RYR2: variants seen among roughly 807,000 people sequenced by gnomAD.
The protein encoded by RYR2 is cardiac muscle ryanodine receptor-calcium release channel.
RYR2 carries 227 observed loss-of-function variants against 601.1 expected under a neutral mutation model. That is an observed-to-expected ratio of 0.38 (90% confidence interval 0.34 to 0.42). RYR2 has a LOEUF of 0.42. RYR2 is among the 10% of genes least tolerant of loss of function. RYR2 has a pLI of 1.00. For missense variants in RYR2, 4,646 were observed against 6,156.5 expected (o/e 0.75, Z 8.21); for synonymous variants, 2,223 against 2,175.1 (o/e 1.02, Z -0.61).
At chr1:237,628,718 G>A (rs545560578) in intron 41 of RYR2, among the ~76,000 whole-genome samples, 49 of 151,766 alleles carry the variant, frequency 3.2e-4, no homozygotes, top group African/African-American at 1.1e-3. Context: ...TCATAGTAAT[G>A]TACAATAATA....
At chr1:237,562,913 T>A (rs916495774) in intron 27 of RYR2, among the ~76,000 whole-genome samples, 8 of 152,178 alleles carry the variant, frequency 5.3e-5, no homozygotes, top group African/African-American at 1.9e-4. Context: ...GGCAGGTATA[T>A]ATGGAGCACT....
At chr1:237,626,862 T>A (rs923378783) in intron 40 of RYR2, among the ~76,000 whole-genome samples, 2 of 152,114 alleles carry the variant, frequency 1.3e-5, no homozygotes, top group Non-Finnish European at 2.9e-5. Context: ...AGTGAGCCAC[T>A]GTGCATGGCC....
At chr1:237,806,314 G>A in intron 99 of RYR2, 31 bp downstream of exon 99, 1 of 1,578,670 alleles carries the variant, frequency 6.3e-7, no homozygotes, top group Non-Finnish European at 8.6e-7. Flanking sequence ...CTCCCTTGCA[G>A]AAAATAAAAA....
chr1:237,409,565 CAG>C (rs1704238721), intron 10 of RYR2, among the ~76,000 whole-genome samples: 2 of 152,172 alleles, frequency 1.3e-5, no homozygotes, highest in South Asian at 2.1e-4. Context: ...AAATAAAAAA[CAG>C]TGATTTCTAG....
At chr1:237,044,794 C>G (rs919107593) in intron 1 of RYR2, among the ~76,000 whole-genome samples, 25 of 135,790 alleles carry the variant, frequency 1.8e-4, no homozygotes, top group African/African-American at 6.3e-4. Flanking sequence ...CCTTTTTTTT[C>G]TCTTAACCTG....
chr1:237,112,207 G>A (rs1230497383), intron 1 of RYR2, among the ~76,000 whole-genome samples: 5 of 152,092 alleles, frequency 3.3e-5, no homozygotes, highest in Admixed American at 6.6e-5. Flanking sequence ...TCCGCTTCCC[G>A]GGTTCAAGCG....
chr1:237,487,905 T>A (rs1217893200), intron 17 of RYR2, among the ~76,000 whole-genome samples: 1 of 152,110 alleles, frequency 6.6e-6, no homozygotes, highest in Non-Finnish European at 1.5e-5. Flanking sequence ...ATTTATTTAT[T>A]GGATCTGACC....
At chr1:237,075,165 T>G (rs1178976826) in intron 1 of RYR2, among the ~76,000 whole-genome samples, 1 of 152,196 alleles carries the variant, frequency 6.6e-6, no homozygotes, top group African/African-American at 2.4e-5. Context: ...ATAGTTCTGC[T>G]TATGCAGGAT....
In RYR2 at chr1:237,289,763, A is replaced by T. The variant is rs573991501; in HGVS notation, c.168+19147A>T. Among the ~76,000 whole-genome samples the T allele has an allele frequency of 6.7e-4, 102 of 152,370 alleles. No homozygotes were observed. The Middle Eastern group carries it at 0.01, about 15-fold the overall frequency. Reference sequence around the variant, plus strand: ...TTTGTAAGCATGCTTATACATAATTAAAAAATTCAGATACTTTACAGAAAA... The same window carrying T: ...TTTGTAAGCATGCTTATACATAATTTAAAAATTCAGATACTTTACAGAAAA... On this transcript the variant is annotated intron_variant, in intron 2 of 104. Transcript: ENST00000366574.
At chr1:237,675,649 C>T (rs1685330635) in intron 60 of RYR2, among the ~76,000 whole-genome samples, 1 of 152,138 alleles carries the variant, frequency 6.6e-6, no homozygotes, top group Non-Finnish European at 1.5e-5. Flanking sequence ...TTTTGTCATT[C>T]AACACCTTTC....
chr1:237,655,540 C>T (rs1488782534), intron 52 of RYR2, among the ~76,000 whole-genome samples: 2 of 152,144 alleles, frequency 1.3e-5, no homozygotes, highest in African/African-American at 4.8e-5. Flanking sequence ...CAATATTTTA[C>T]ACATTGACAA....
At position 237,275,699 on chromosome 1, in the gene RYR2, A is replaced by G. The variant is rs528491585; in HGVS notation, c.168+5083A>G. Among the ~76,000 whole-genome samples, 47 of 152,348 alleles carry G rather than the reference A, an allele frequency of 3.1e-4. 1 individual carries two copies. The South Asian group carries it at 9.7e-3, about 32-fold the overall frequency. ...GCATAATCAATAAGGTTGACCTTAT[A>G]GAGATATGTCAAAATCTGAACCTCA... On this transcript the variant is annotated intron_variant, in intron 2 of 104. Transcript: ENST00000366574.
At chr1:237,619,648 CAT>C (rs1161718290) in intron 38 of RYR2, among the ~76,000 whole-genome samples, 1 of 151,498 alleles carries the variant, frequency 6.6e-6, no homozygotes, top group Non-Finnish European at 1.5e-5. Context: ...ATAGGATAAA[CAT>C]AAATCTTTAC....
At chr1:237,631,765 T>C (rs369484570) in intron 42 of RYR2, among the ~76,000 whole-genome samples, 37 of 151,426 alleles carry the variant, frequency 2.4e-4, no homozygotes, top group African/African-American at 4.1e-4. Context: ...GGAGCTGGGA[T>C]TAGAGGCGCC....
chr1:237,057,147 A>G (rs1267959041), intron 1 of RYR2, among the ~76,000 whole-genome samples: 1 of 152,146 alleles, frequency 6.6e-6, no homozygotes, highest in East Asian at 1.9e-4. Context: ...AGGAGCATGT[A>G]GAGGAGTCAG....
intron 36 of RYR2, among the ~76,000 whole-genome samples, chr1:237,612,751 A>G (rs1490677412): frequency 6.6e-6 from 1 of 152,142 alleles, no homozygotes; most frequent in Non-Finnish European, 1.5e-5. Context: ...TGGAATTTTA[A>G]CATTATAATT....
chr1:237,425,942 G>C (rs188290008), intron 12 of RYR2, among the ~76,000 whole-genome samples: 182 of 152,004 alleles, frequency 1.2e-3, no homozygotes, highest in Non-Finnish European at 1.5e-3. Context: ...ATTTTTGACA[G>C]ATTCATACTA....
At chr1:237,355,125 A>G (rs953730293) in intron 3 of RYR2, among the ~76,000 whole-genome samples, 2 of 152,184 alleles carry the variant, frequency 1.3e-5, no homozygotes, top group Non-Finnish European at 1.5e-5. Flanking sequence ...AAAAAAAATT[A>G]CAAATAAACT....
Position 237,157,712 on chromosome 1 carries a change from G to A in RYR2, c.49-112785G>A, listed in dbSNP as rs1675558996. On this transcript the variant is annotated intron_variant, in intron 1 of 104. Transcript: ENST00000366574. ...ATCTCACGGAGATAGTGAATAGAAT[G>A]GTGGTTGCTAGAGAATGGAAGCGTA... is the stretch of plus-strand genomic sequence containing the variant. Among the ~76,000 whole-genome samples the A allele has an allele frequency of 3.3e-5, 5 of 152,222 alleles. No individual in the cohort carries two copies. In the South Asian group the frequency reaches 8.3e-4, roughly 25 times the overall value.
Sources: gnomAD v4.1 joint callset for allele counts (sites outside exome capture counted in the v4.1 genomes callset) on GRCh38, gnomAD v4.1.1 for gene constraint, MANE v1.5 for transcripts, NCBI Gene and HGNC (gene_info 2026-07-23, HGNC 2026-07-21) for gene names.